Variants in ZCCHC10 observed in about 807,000 individuals in gnomAD.
The protein encoded by ZCCHC10 is zinc finger CCHC-type containing 10, also known as zinc finger CCHC domain-containing protein 10.
In ZCCHC10, 16 loss-of-function variants were observed where a neutral mutation model predicts 19.5. That is an observed-to-expected ratio of 0.82 (90% confidence interval 0.56 to 1.25). The LOEUF (loss-of-function observed/expected upper bound fraction) is 1.25, where lower values mean the gene tolerates loss of function less well. ZCCHC10 is among the 50% of genes most tolerant of loss of function. The pLI, the probability that ZCCHC10 is intolerant of heterozygous loss-of-function variation, is 0.00. For missense variants in ZCCHC10, 197 were observed against 201.0 expected (o/e 0.98, Z 0.12); for synonymous variants, 67 against 72.5 (o/e 0.92, Z 0.38).
rs941203421 is a variant in ZCCHC10, at chr5:132,997,221, G to A, written c.*1362C>T. 2.6e-5 allele frequency: 4 copies of A among 152,064 alleles called. No homozygotes were observed. The highest frequency in any genetic ancestry group is 5.9e-5 in the Non-Finnish European group (4 of 68,004). The allele number at this position is 152,064 out of a possible 1,614,324, so 9.4% of individuals were successfully genotyped here. ...TATTTACAACCATTGAACACAGATG[G>A]TTTTGTAAAACTGACAATTACAGGC... On this transcript the variant is annotated 3_prime_UTR_variant, in exon 5 of 5. Transcript: ENST00000509437.
At chr5:133,013,753 A>G (rs1374440857) in intron 2 of ZCCHC10, among the ~76,000 whole-genome samples, 1 of 151,836 alleles carries the variant, frequency 6.6e-6, no homozygotes, top group Non-Finnish European at 1.5e-5. Flanking sequence ...GAAAAGAAAC[A>G]TCCATCCACT....
chr5:133,020,370 G>C (rs1471027548), intron 2 of ZCCHC10, among the ~76,000 whole-genome samples: 1 of 151,418 alleles, frequency 6.6e-6, no homozygotes, highest in Non-Finnish European at 1.5e-5. Context: ...CTTGAGCCTG[G>C]GAGGCAGAGG....
At chr5:133,025,829 G>A (rs1764665740) in intron 1 of ZCCHC10, among the ~76,000 whole-genome samples, 3 of 152,064 alleles carry the variant, frequency 2.0e-5, no homozygotes, top group South Asian at 4.1e-4. Context: ...TTCCTTCAAA[G>A]CTGTTATCAC....
intron 3 of ZCCHC10, among the ~76,000 whole-genome samples, chr5:133,000,902 A>T (rs1329605018): frequency 6.6e-6 from 1 of 151,588 alleles, no homozygotes; most frequent in African/African-American, 2.4e-5. Context: ...TGGCCTCCCA[A>T]AGTCCTGGGG....
At position 132,998,847 on chromosome 5, in the gene ZCCHC10, A is replaced by T. The variant is rs760425008; in HGVS notation, c.315T>A (p.Ser105=). The part of the protein sequence containing the change: ...NVERKAKKKR[S]KSVTSSSSSS... The stretch of plus-strand genomic sequence containing the variant: ...TGCTACTGGAACTGGTTACACTCTT[A>T]GACCTATTAGACAATACAGAGTTAT... The change falls in exon 5 of 5, where the codon TCT becomes TCA. Residue 105 remains serine (S), a synonymous_variant. Transcript: ENST00000509437. The T allele has an allele frequency of 3.1e-6, 5 of 1,613,804 alleles. No homozygotes were observed. The highest frequency in any genetic ancestry group is 4.2e-6 in the Non-Finnish European group (5 of 1,179,886).
intron 3 of ZCCHC10, among the ~76,000 whole-genome samples, chr5:133,005,639 C>T (rs1763071826): frequency 6.8e-6 from 1 of 147,580 alleles, no homozygotes; most frequent in South Asian, 2.1e-4. Flanking sequence ...TGACCATTCA[C>T]TTTCTCAGCA....
chr5:133,006,622 G>T, intron 3 of ZCCHC10, 137 bp downstream of exon 3: 1 of 803,056 alleles, frequency 1.2e-6, no homozygotes, highest in Non-Finnish European at 1.8e-6. Context: ...ATAGTACTTG[G>T]CACACAGTAA....
chr5:133,018,354 C>G (rs534178484), intron 2 of ZCCHC10, among the ~76,000 whole-genome samples: 22 of 151,412 alleles, frequency 1.5e-4, no homozygotes, highest in African/African-American at 4.4e-4. Flanking sequence ...CACTATGTTG[C>G]CCAATCAGGT....
intron 1 of ZCCHC10, among the ~76,000 whole-genome samples, chr5:133,026,290 C>T (rs1764704083): frequency 6.6e-6 from 1 of 152,228 alleles, no homozygotes; most frequent in South Asian, 2.1e-4. Flanking sequence ...CTGTCCCGTG[C>T]CGCAGACTTT....
At chr5:133,025,417 C>T (rs936977321) in intron 1 of ZCCHC10, among the ~76,000 whole-genome samples, 1 of 141,986 alleles carries the variant, frequency 7.0e-6, no homozygotes, top group African/African-American at 2.6e-5. Context: ...GGCAGGGGAA[C>T]GGCGTGAACC....
At chr5:133,020,326 C>T (rs1315072781) in intron 2 of ZCCHC10, among the ~76,000 whole-genome samples, 1 of 151,856 alleles carries the variant, frequency 6.6e-6, no homozygotes, top group Non-Finnish European at 1.5e-5. Flanking sequence ...AGCCTGTAAT[C>T]CCAGCTACTT....
chr5:133,018,468 C>T (rs780291268), intron 2 of ZCCHC10, among the ~76,000 whole-genome samples: 3 of 151,970 alleles, frequency 2.0e-5, no homozygotes, highest in Non-Finnish European at 4.4e-5. Context: ...GGCGCAATCT[C>T]GGTTCACTGC....
At chr5:133,006,971 T>C in intron 2 of ZCCHC10, 51 bp from the exon 3 acceptor site, 1 of 1,501,462 alleles carries the variant, frequency 6.7e-7, no homozygotes, top group Non-Finnish European at 8.9e-7. Context: ...CTTGTGACTT[T>C]CACCCTAAAA....
chr5:133,025,525 A>AAAAAAAAAAAAAAAG (rs1561563076), intron 1 of ZCCHC10, among the ~76,000 whole-genome samples: 3 of 124,828 alleles, frequency 2.4e-5, no homozygotes, highest in Non-Finnish European at 3.3e-5. Context: ...AAAAAAAAAA[A>AAAAAAAAAAAAAAAG]AAAAAAAAGA....
intron 1 of ZCCHC10, among the ~76,000 whole-genome samples, chr5:133,023,354 A>T (rs1436263792): frequency 6.6e-6 from 1 of 152,146 alleles, no homozygotes; most frequent in East Asian, 1.9e-4. Flanking sequence ...CAATTATTTC[A>T]TTCCAATTGA....
intron 2 of ZCCHC10, among the ~76,000 whole-genome samples, chr5:133,020,090 G>A (rs971454096): frequency 1.3e-5 from 2 of 152,142 alleles, no homozygotes; most frequent in African/African-American, 4.8e-5. Flanking sequence ...CAGCACTTTG[G>A]GAAACAGAGG....
chr5:133,000,255 A>G (rs1762683073), intron 3 of ZCCHC10, 82 bp from the exon 4 acceptor site: 1 of 1,473,064 alleles, frequency 6.8e-7, no homozygotes, highest in Admixed American at 2.0e-5. Flanking sequence ...CTATCCCCCA[A>G]ATCATTTTAC....
chr5:133,012,775 G>T (rs1763639505), intron 2 of ZCCHC10, among the ~76,000 whole-genome samples: 1 of 151,688 alleles, frequency 6.6e-6, no homozygotes, highest in African/African-American at 2.4e-5. Flanking sequence ...AATAGGCCGG[G>T]TGTGGTGGCT....
intron 1 of ZCCHC10, among the ~76,000 whole-genome samples, chr5:133,024,760 G>A (rs1008045152): frequency 6.6e-6 from 1 of 152,098 alleles, no homozygotes; most frequent in Non-Finnish European, 1.5e-5. Context: ...AAAATTAGCA[G>A]GGCATGGTGG....
Sources: allele counts gnomAD v4.1 joint callset (sites outside exome capture counted in the v4.1 genomes callset), GRCh38; gene constraint gnomAD v4.1.1; transcripts MANE v1.5; gene names NCBI Gene and HGNC (gene_info 2026-07-23, HGNC 2026-07-21).